The following SLC25A46 variants were observed in gnomAD, a reference collection of about 807,000 sequenced individuals.
SLC25A46 encodes solute carrier family 25 member 46.
Under a neutral mutation model 44.6 loss-of-function variants are expected in SLC25A46, and 39 were observed. The ratio of observed to expected loss-of-function variants is 0.87; its 90% CI spans 0.68 to 1.14. The LOEUF is 1.14. SLC25A46 is among the 50% of genes most tolerant of loss of function. The pLI is 0.00. For synonymous variants in SLC25A46, 202 were observed against 185.8 expected (o/e 1.09, Z -0.71); for missense variants, 547 against 522.7 (o/e 1.05, Z -0.45).
Position 110,761,946 on chromosome 5 carries a change from GTATAT to G in SLC25A46, c.*165_*169del, listed in dbSNP as rs1476730423. 2 of 585,340 alleles carry G rather than the reference GTATAT, an allele frequency of 3.4e-6. No individual in the cohort carries two copies. The highest frequency in any genetic ancestry group is 5.8e-6 in the Non-Finnish European group (2 of 345,766). 36.3% of individuals were successfully genotyped at this position (585,340 alleles called of 1,614,324 possible). A position where few individuals can be genotyped will look rare whatever the true frequency, so the allele number is the denominator to read the frequency against. ...CTTGACTTTGTTTTTTAAGGCATAG[GTATAT>G]ATTTTGGATCAAAATCCTTCCAAAT... On this transcript the variant is annotated 3_prime_UTR_variant, in exon 8 of 8. Coordinates refer to ENST00000355943, the MANE Select transcript of SLC25A46 (RefSeq NM_138773.4). This position sits in a 1 kb window ranked among gnomAD's most constrained non-coding sequence, Gnocchi z 5.3.
At chr5:110,758,913 T>TTGA (rs1437353832) in intron 7 of SLC25A46, among the ~76,000 whole-genome samples, 1 of 152,238 alleles carries the variant, frequency 6.6e-6, no homozygotes, top group African/African-American at 2.4e-5. Context: ...AGGATTCATA[T>TTGA]TGACTCATAT....
At chr5:110,755,554 A>AT (rs1561606624) in intron 6 of SLC25A46, 33 bp downstream of exon 6, 3 of 1,316,372 alleles carry the variant, frequency 2.3e-6, no homozygotes, top group Non-Finnish European at 3.2e-6. Context: ...TTTATTGGGC[A>AT]TTTTCACTAA....
chr5:110,741,298 A>G lies in SLC25A46; in HGVS notation c.284-749A>G, dbSNP rs150544143. ...AATGTTCCCAGCTGTGAACTTTTCC[A>G]GTAACATAACAGACATACCATCTGT... On this transcript the variant is annotated intron_variant, in intron 1 of 7. Transcript: ENST00000355943. Among the ~76,000 whole-genome samples, 295 of 152,356 alleles carry G rather than the reference A, an allele frequency of 1.9e-3. 2 individuals are homozygous for G. The highest frequency in any genetic ancestry group is 4.4e-3 in the African/African-American group (183 of 41,584).
chr5:110,763,514 T>C lies in SLC25A46; in HGVS notation c.*1732T>C, dbSNP rs2150420687. 2 of 151,986 alleles carry C rather than the reference T, an allele frequency of 1.3e-5. No individual in the cohort carries two copies. Among genetic ancestry groups the C allele is most frequent in the Middle Eastern group, 3.4e-3 (1 of 294 alleles). 9.4% of individuals were successfully genotyped at this position (151,986 alleles called of 1,614,324 possible). ...TGACTATTTTAGATTAAGGTTTACT[T>C]TGTCCAACCAATAGCATTTAAATTG... is the stretch of plus-strand genomic sequence containing the variant. On this transcript the variant is annotated 3_prime_UTR_variant, in exon 8 of 8. Transcript: ENST00000355943.
intron 1 of SLC25A46, among the ~76,000 whole-genome samples, chr5:110,740,990 C>T (rs1580854593): frequency 6.6e-6 from 1 of 152,148 alleles, no homozygotes; most frequent in Non-Finnish European, 1.5e-5. Flanking sequence ...GGTAAAAGTA[C>T]CGTAGGTGGG....
At chr5:110,749,624 T>A (rs956134944) in intron 5 of SLC25A46, among the ~76,000 whole-genome samples, 1 of 151,876 alleles carries the variant, frequency 6.6e-6, no homozygotes, top group Non-Finnish European at 1.5e-5. Context: ...AATGGGAGAA[T>A]TAGAAGTGTA....
intron 7 of SLC25A46, 101 bp downstream of exon 7, chr5:110,756,860 CT>C: frequency 1.6e-5 from 11 of 672,578 alleles, no homozygotes; most frequent in Non-Finnish European, 2.3e-5. Context: ...AATTTTAAGA[CT>C]ATGTCTTAAA....
At chr5:110,741,895 A>G in intron 1 of SLC25A46, 152 bp from the exon 2 acceptor site, 1 of 590,956 alleles carries the variant, frequency 1.7e-6, no homozygotes, top group Non-Finnish European at 3.0e-6. Context: ...TAAATTATTT[A>G]CCTGGCCCCT....
At chr5:110,748,128 A>T (rs1799867442) in intron 4 of SLC25A46, 35 bp from the exon 5 acceptor site, 1 of 1,436,086 alleles carries the variant, frequency 7.0e-7, no homozygotes, top group African/African-American at 1.4e-5. Flanking sequence ...AGATGTAGGT[A>T]TTAACAGAAA....
intron 1 of SLC25A46, 118 bp downstream of exon 1, chr5:110,739,520 G>A (rs1799566736): frequency 5.8e-6 from 8 of 1,369,158 alleles, no homozygotes; most frequent in Admixed American, 6.0e-5. Context: ...ATCCTATCGC[G>A]CGCCACACCC....
chr5:110,761,609 A>G lies in SLC25A46; in HGVS notation c.1084A>G (p.Ile362Val). Residue 362 changes from isoleucine (I) to valine (V), a missense_variant, in exon 8 of 8, where the codon ATT becomes GTT. By Grantham distance (29) the Ile-to-Val change is conservative. Coordinates refer to ENST00000355943, the MANE Select transcript of SLC25A46 (RefSeq NM_138773.4). This position sits in a 1 kb window ranked among gnomAD's most constrained non-coding sequence, Gnocchi z 5.3. Reference sequence around the variant, plus strand: ...AGACCTTGGCTATGAAGTGCTTCCAATTAATACACAATATGAGGGAATGAG... The same window carrying G: ...AGACCTTGGCTATGAAGTGCTTCCAGTTAATACACAATATGAGGGAATGAG... ...NTDLGYEVLP[I>V]NTQYEGMRDC... 6.2e-7 allele frequency: 1 copy of G among 1,613,800 alleles called. No individual in the cohort carries two copies. Among genetic ancestry groups the G allele is most frequent in the Non-Finnish European group, 8.5e-7 (1 of 1,179,744 alleles).
At chr5:110,740,820 C>T (rs1311265277) in intron 1 of SLC25A46, among the ~76,000 whole-genome samples, 4 of 152,114 alleles carry the variant, frequency 2.6e-5, no homozygotes, top group Non-Finnish European at 5.9e-5. Context: ...GGCGTGGTGG[C>T]GGATGCCTGT....
In SLC25A46 at chr5:110,756,831, A is replaced by G. The variant is rs3214016; in HGVS notation, c.678+72A>G. 81,787 of 1,023,750 alleles carry G rather than the reference A, an allele frequency of 0.08. 4,120 individuals are homozygous for G. Among genetic ancestry groups the G allele is most frequent in the South Asian group, 0.19 (7,168 of 38,048 alleles). 63.4% of individuals were successfully genotyped at this position (1,023,750 alleles called of 1,614,324 possible). A position where few individuals can be genotyped will look rare whatever the true frequency, so the allele number is the denominator to read the frequency against. Reference sequence around the variant, plus strand: ...TTTGACTATTCAGTATATTGTAGATATCTAACATTTCAGCAGAAAATTTTA... The same window carrying G: ...TTTGACTATTCAGTATATTGTAGATGTCTAACATTTCAGCAGAAAATTTTA... On this transcript the variant is annotated intron_variant, in intron 7 of 7. Transcript: ENST00000355943.
rs865779085 is a variant in SLC25A46 at position 110,760,651 on chromosome 5, A to G, written c.679-553A>G. On this transcript the variant is annotated intron_variant, in intron 7 of 7. Transcript: ENST00000355943. ...CTTATTCATATCCCCAAAATTCTAC[A>G]AAAGCAGACATTGCAGGTGGTAATA... Among the ~76,000 whole-genome samples, 4 of 152,170 alleles carry G rather than the reference A, an allele frequency of 2.6e-5. No homozygotes were observed. The South Asian group carries it at 8.3e-4, about 31-fold the overall frequency.
intron 1 of SLC25A46, among the ~76,000 whole-genome samples, chr5:110,739,857 A>T (rs1006336606): frequency 6.6e-5 from 10 of 152,236 alleles, no homozygotes; most frequent in Non-Finnish European, 1.3e-4. Context: ...TAATCTGAAC[A>T]ACTTAACCTC....
intron 4 of SLC25A46, among the ~76,000 whole-genome samples, chr5:110,747,420 A>G (rs149973768): frequency 6.4e-4 from 98 of 152,336 alleles, no homozygotes; most frequent in African/African-American, 2.0e-3. Flanking sequence ...TTGTATATGC[A>G]TGGATTATCC....
intron 5 of SLC25A46, among the ~76,000 whole-genome samples, chr5:110,751,179 C>T (rs1430596131): frequency 1.3e-5 from 2 of 152,060 alleles, no homozygotes; most frequent in Admixed American, 6.6e-5. Context: ...TGCTAAAAAC[C>T]GGGTTTACAG....
In SLC25A46 at chr5:110,761,173, A is replaced by C. The variant is rs1800237952; in HGVS notation, c.679-31A>C. 6.6e-7 allele frequency: 1 copy of C among 1,523,714 alleles called. No individual in the cohort carries two copies. The highest frequency in any genetic ancestry group is 8.9e-7 in the Non-Finnish European group (1 of 1,125,004). 94.4% of individuals were successfully genotyped at this position (1,523,714 alleles called of 1,614,324 possible). A position where few individuals can be genotyped will look rare whatever the true frequency, so the allele number is the denominator to read the frequency against. ...TCTGTGGCAAAATAAGCAAATGTTA[A>C]GTTTTACTTATTTCATCATTTTTAT... On this transcript the variant is annotated intron_variant, in intron 7 of 7. Coordinates refer to ENST00000355943, the MANE Select transcript of SLC25A46 (RefSeq NM_138773.4). The surrounding 1 kb of genome is among the most constrained non-coding windows in gnomAD (Gnocchi z 5.3).
At chr5:110,745,206 C>T (rs991194625) in intron 3 of SLC25A46, among the ~76,000 whole-genome samples, 2 of 152,036 alleles carry the variant, frequency 1.3e-5, no homozygotes, top group African/African-American at 4.8e-5. Context: ...GGTAATGGGG[C>T]CCTCAGGAGT....
Sources: gnomAD v4.1 joint callset for allele counts (sites outside exome capture counted in the v4.1 genomes callset) on GRCh38, gnomAD v4.1.1 for gene constraint, Gnocchi (gnomAD v3.1) non-coding constraint, MANE v1.5 for transcripts, NCBI Gene and HGNC (gene_info 2026-07-23, HGNC 2026-07-21) for gene names.